CACNA2D3: variants seen among roughly 807,000 people sequenced by gnomAD.
CACNA2D3 encodes the protein calcium voltage-gated channel auxiliary subunit alpha2delta 3.
A neutral mutation model predicts 160.6 loss-of-function variants in CACNA2D3; 60 were observed. The observed-to-expected ratio is 0.37, with a 90% CI of 0.30 to 0.46. The LOEUF (loss-of-function observed/expected upper bound fraction) is 0.46. Ranked by LOEUF, CACNA2D3 falls within the 20% of genes least tolerant of loss-of-function variation. The probability of loss-of-function intolerance (pLI) is 1.00; values close to 1 mark genes in which losing one functional copy is unlikely to be tolerated. For synonymous variants in CACNA2D3, 558 were observed against 492.9 expected (o/e 1.13, Z -1.75); for missense variants, 1,205 against 1,365.0 (o/e 0.88, Z 1.85).
At chr3:54,729,711 GT>G (rs1701348804) in intron 11 of CACNA2D3, among the ~76,000 whole-genome samples, 2 of 152,090 alleles carry the variant, frequency 1.3e-5, no homozygotes, top group South Asian at 4.2e-4. Context: ...AAAAATCAGT[GT>G]TTATGGGCTG....
At chr3:54,811,073 C>T (rs750800791) in intron 13 of CACNA2D3, among the ~76,000 whole-genome samples, 20 of 152,148 alleles carry the variant, frequency 1.3e-4, no homozygotes, top group Middle Eastern at 3.2e-3. Context: ...CTCACCCCTT[C>T]GGTAACCTCA....
chr3:54,896,625 G>A, intron 25 of CACNA2D3, 124 bp from the exon 26 acceptor site: 1 of 1,150,832 alleles, frequency 8.7e-7, no homozygotes, highest in Non-Finnish European at 1.3e-6. Context: ...TCTATACTGA[G>A]AAAGGCAAGT....
chr3:54,652,783 CTTTTTTTTT>C (rs11428424), intron 11 of CACNA2D3, among the ~76,000 whole-genome samples: 2 of 118,280 alleles, frequency 1.7e-5, no homozygotes, highest in South Asian at 5.9e-4. Flanking sequence ...CCATGGGAGG[CTTTTTTTTT>C]TTTTTTTTGA....
At chr3:54,558,151 C>T (rs1460789049) in intron 5 of CACNA2D3, among the ~76,000 whole-genome samples, 1 of 152,196 alleles carries the variant, frequency 6.6e-6, no homozygotes, top group Non-Finnish European at 1.5e-5. Context: ...CATTATGTTG[C>T]TCATTGTTTC....
rs574153888 is a variant in CACNA2D3, at chr3:54,301,775, T to C, written c.205-18667T>C. Among the ~76,000 whole-genome samples, 9 of 152,232 alleles carry C rather than the reference T, an allele frequency of 5.9e-5. No homozygotes were observed. In the South Asian group the frequency reaches 1.7e-3, roughly 28 times the overall value. On this transcript the variant is annotated intron_variant, in intron 2 of 37. Transcript: ENST00000474759. ...AACAAACACTTGTCCCAGATTTCTCTGGGAGGGAGGAGGAAGAGAGTAGAT... is the reference window on the plus strand; with the variant it reads ...AACAAACACTTGTCCCAGATTTCTCCGGGAGGGAGGAGGAAGAGAGTAGAT...
At chr3:54,911,303 T>C (rs1441303055) in intron 27 of CACNA2D3, among the ~76,000 whole-genome samples, 1 of 140,120 alleles carries the variant, frequency 7.1e-6, no homozygotes, top group African/African-American at 2.6e-5. Flanking sequence ...TTCCTCTTCC[T>C]CCCCTTCCCC....
At chr3:54,191,594 AC>A (rs1282798346) in intron 2 of CACNA2D3, among the ~76,000 whole-genome samples, 1 of 152,092 alleles carries the variant, frequency 6.6e-6, no homozygotes, top group Non-Finnish European at 1.5e-5. Flanking sequence ...AATCGGTGAT[AC>A]AGTCTCTTCT....
At chr3:54,611,426 G>C (rs1403778886) in intron 9 of CACNA2D3, among the ~76,000 whole-genome samples, 1 of 152,208 alleles carries the variant, frequency 6.6e-6, no homozygotes, top group Non-Finnish European at 1.5e-5. Flanking sequence ...GACTGTGAAT[G>C]ACTTCTCTCC....
chr3:54,194,081 G>T (rs1245509327), intron 2 of CACNA2D3, among the ~76,000 whole-genome samples: 1 of 152,102 alleles, frequency 6.6e-6, no homozygotes, highest in Non-Finnish European at 1.5e-5. Context: ...AAGGGTGTGT[G>T]AGTGGTGGTG....
At chr3:54,648,772 T>C (rs1201710382) in intron 11 of CACNA2D3, among the ~76,000 whole-genome samples, 2 of 152,162 alleles carry the variant, frequency 1.3e-5, no homozygotes, top group African/African-American at 2.4e-5. Context: ...CTGTTTCCAC[T>C]AATGGCAGAA....
chr3:55,005,690 C>T (rs1703079546), intron 32 of CACNA2D3, among the ~76,000 whole-genome samples: 1 of 152,100 alleles, frequency 6.6e-6, no homozygotes, highest in Non-Finnish European at 1.5e-5. Context: ...TTAACTGTTA[C>T]CACTTACTCC....
At chr3:54,678,049 T>C (rs76333544) in intron 11 of CACNA2D3, among the ~76,000 whole-genome samples, 2,238 of 152,272 alleles carry the variant, frequency 0.015, 47 homozygotes, top group African/African-American at 0.05. Flanking sequence ...GAGTGGTAGA[T>C]GGGTCTTGTT....
At chr3:54,493,343 T>C (rs368946179) in intron 4 of CACNA2D3, among the ~76,000 whole-genome samples, 1 of 152,138 alleles carries the variant, frequency 6.6e-6, no homozygotes, top group East Asian at 1.9e-4. Flanking sequence ...TCCCAAAATG[T>C]TAGGATTTCA....
chr3:55,010,709 A>G (rs780544736), intron 34 of CACNA2D3, among the ~76,000 whole-genome samples: 5 of 152,158 alleles, frequency 3.3e-5, no homozygotes, highest in Non-Finnish European at 5.9e-5. Flanking sequence ...CAGGTGCTGG[A>G]TCTATTTTAA....
intron 4 of CACNA2D3, among the ~76,000 whole-genome samples, chr3:54,477,756 C>T (rs2106890336): frequency 6.6e-6 from 1 of 152,232 alleles, no homozygotes; most frequent in East Asian, 1.9e-4. Context: ...TCAGATTTCT[C>T]CTAGAGAAAT....
intron 25 of CACNA2D3, among the ~76,000 whole-genome samples, chr3:54,896,451 T>C (rs1700190872): frequency 1.3e-5 from 2 of 152,218 alleles, no homozygotes; most frequent in Admixed American, 6.5e-5. Context: ...TTGGGTTTTC[T>C]GATAGGATTT....
At chr3:55,025,793 G>A (rs537665081) in intron 35 of CACNA2D3, among the ~76,000 whole-genome samples, 1 of 152,238 alleles carries the variant, frequency 6.6e-6, no homozygotes, top group South Asian at 2.1e-4. Flanking sequence ...GCTAGCAGCA[G>A]TGAAAAGACA....
intron 3 of CACNA2D3, among the ~76,000 whole-genome samples, chr3:54,376,155 A>G (rs549021358): frequency 6.6e-6 from 1 of 152,040 alleles, no homozygotes; most frequent in Non-Finnish European, 1.5e-5. Flanking sequence ...ACCCTTGCCT[A>G]TCTGAGTCCC....
At chr3:54,880,904 G>A (rs1177746748) in intron 21 of CACNA2D3, 41 bp downstream of exon 21, 30 of 1,545,250 alleles carry the variant, frequency 1.9e-5, no homozygotes, top group Non-Finnish European at 2.1e-5. Flanking sequence ...TGGTGTGGGA[G>A]GAAAGCTCGG....
Sources: allele counts gnomAD v4.1 joint callset (sites outside exome capture counted in the v4.1 genomes callset), GRCh38; gene constraint gnomAD v4.1.1; transcripts MANE v1.5; gene names NCBI Gene and HGNC (gene_info 2026-07-23, HGNC 2026-07-21).